Variants in C1QL3 observed in about 807,000 individuals in gnomAD.
C1QL3 encodes complement C1q-like protein 3.
C1QL3 carries 4 observed loss-of-function variants against 16.6 expected under a neutral mutation model. The ratio of observed to expected loss-of-function variants is 0.24; its 90% CI spans 0.12 to 0.55. C1QL3 has a LOEUF of 0.55. Ranked by LOEUF, C1QL3 falls within the 20% of genes least tolerant of loss-of-function variation. The probability of loss-of-function intolerance (pLI) is 0.94; values close to 1 mark genes in which losing one functional copy is unlikely to be tolerated. For synonymous variants in C1QL3, 189 were observed against 160.2 expected, an observed-to-expected ratio of 1.18 and a Z score of -1.36; for missense variants, 269 against 365.6, an observed-to-expected ratio of 0.74 and a Z score of 2.16.
Position 16,521,021 on chromosome 10 carries a change from C to G in C1QL3, c.45G>C (p.Ser15=), listed in dbSNP as rs541527618. The change falls in exon 1 of 2, where the codon TCG becomes TCC. Residue 15 remains serine, a synonymous_variant. Coordinates refer to ENST00000298943, the MANE Select transcript of C1QL3 (RefSeq NM_001010908.2). ...TCTCGTAGTGCGCCGACGTGCCGGCCGAGCTCACCAGCACCGGGATGAGGA... is the reference window on the plus strand; with the variant it reads ...TCTCGTAGTGCGCCGACGTGCCGGCGGAGCTCACCAGCACCGGGATGAGGA... The part of the protein sequence containing the change: ...LVILIPVLVS[S]AGTSAHYEML... 2 of 1,600,354 alleles carry G rather than the reference C, an allele frequency of 1.2e-6. No homozygotes were observed. Among genetic ancestry groups the G allele is most frequent in the Non-Finnish European group, 1.7e-6 (2 of 1,178,668 alleles).
At position 16,521,207 on chromosome 10, in the gene C1QL3, T is replaced by A; in HGVS notation, c.-142A>T. The A allele has an allele frequency of 1.4e-6, 1 of 714,206 alleles. No individual in the cohort carries two copies. The highest frequency in any genetic ancestry group is 1.8e-5 in the South Asian group (1 of 54,484). The allele number at this position is 714,206 out of a possible 1,614,324, so 44.2% of individuals were successfully genotyped here. ...CTCTTCAGAGCCGAAAACAACCCCC[T>A]GCGAACCCCAACTCCCCTGGGCGTG... On this transcript the variant is annotated 5_prime_UTR_variant, in exon 1 of 2. Coordinates refer to ENST00000298943, the MANE Select transcript of C1QL3 (RefSeq NM_001010908.2).
chr10:16,520,905 G>C lies in C1QL3; in HGVS notation c.161C>G (p.Ser54Cys). ...GGGGCCCTGGATGAAGGTGGGCAGG[G>C]ACTGCATGAGGCCGCGGTCGGGCGT... ...AATPDRGLMQSLPTFIQGPKG... is the reference protein window; with the variant it reads ...AATPDRGLMQCLPTFIQGPKG... The change falls in exon 1 of 2, where the codon TCC becomes TGC. Residue 54 changes from serine (S) to cysteine (C), a missense_variant. Coordinates refer to ENST00000298943, the MANE Select transcript of C1QL3 (RefSeq NM_001010908.2). This position sits in a 1 kb window ranked among gnomAD's most constrained non-coding sequence, Gnocchi z 8.3. The C allele has an allele frequency of 6.4e-7, 1 of 1,553,044 alleles. No homozygotes were observed. Among genetic ancestry groups the C allele is most frequent in the Non-Finnish European group, 8.6e-7 (1 of 1,157,962 alleles).
rs761849055 is a variant in C1QL3 at position 16,520,441 on chromosome 10, T to TCCCTCCCCG, written c.588+28_588+36dup. On this transcript the variant is annotated intron_variant, in intron 1 of 1. Transcript: ENST00000298943. This position sits in a 1 kb window ranked among gnomAD's most constrained non-coding sequence, Gnocchi z 8.3. Reference sequence around the variant, plus strand: ...CCCTCTCGCCCGCACCTTCCCGCGCTCCCTCCCCGCCCTCCCCGCCGCCCG... The same window carrying TCCCTCCCCG: ...CCCTCTCGCCCGCACCTTCCCGCGCTCCCTCCCCGCCCTCCCCGCCCTCCCCGCCGCCCG... The TCCCTCCCCG allele has an allele frequency of 8.1e-7, 1 of 1,227,532 alleles. No homozygotes were observed. Among genetic ancestry groups the TCCCTCCCCG allele is most frequent in the Non-Finnish European group, 1.1e-6 (1 of 881,044 alleles). The allele number at this position is 1,227,532 out of a possible 1,614,324, so 76.0% of individuals were successfully genotyped here.
At chr10:16,515,490 G>A (rs906051476) in intron 1 of C1QL3, among the ~76,000 whole-genome samples, 31 of 152,148 alleles carry the variant, frequency 2.0e-4, no homozygotes, top group African/African-American at 6.3e-4. Context: ...CAAGTTTCAA[G>A]AATTTTTGAA....
In C1QL3 at chr10:16,521,089, C is replaced by A; in HGVS notation, c.-24G>T. On this transcript the variant is annotated 5_prime_UTR_variant, in exon 1 of 2. Transcript: ENST00000298943. ...ATCACCACCCCCAGCGCCCCGGCGG[C>A]GATCAGGCGCCTCCTGCTGCCCACC... The A allele has an allele frequency of 1.9e-6, 3 of 1,574,606 alleles. No individual in the cohort carries two copies. Among genetic ancestry groups the A allele is most frequent in the Non-Finnish European group, 2.6e-6 (3 of 1,165,342 alleles).
At chr10:16,515,202 C>A (rs1836931037) in intron 1 of C1QL3, among the ~76,000 whole-genome samples, 1 of 148,304 alleles carries the variant, frequency 6.7e-6, no homozygotes, top group African/African-American at 2.5e-5. Flanking sequence ...AGGAAAATAC[C>A]AACTCCTCTA....
At position 16,520,444 on chromosome 10, in the gene C1QL3, C is replaced by T. The variant is rs1837022855; in HGVS notation, c.588+34G>A. ...TCTCGCCCGCACCTTCCCGCGCTCC[C>T]TCCCCGCCCTCCCCGCCGCCCGCCC... On this transcript the variant is annotated intron_variant, in intron 1 of 1. Transcript: ENST00000298943. This position sits in a 1 kb window ranked among gnomAD's most constrained non-coding sequence, Gnocchi z 8.3. The T allele has an allele frequency of 7.9e-7, 1 of 1,271,928 alleles. No homozygotes were observed. Among genetic ancestry groups the T allele is most frequent in the South Asian group, 1.4e-5 (1 of 73,178 alleles). The allele number at this position is 1,271,928 out of a possible 1,614,324, so 78.8% of individuals were successfully genotyped here.
chr10:16,514,763 T>G lies in C1QL3; in HGVS notation c.589-56A>C, dbSNP rs1019195026. The G allele has an allele frequency of 4.1e-5, 57 of 1,398,316 alleles. No homozygotes were observed. In the African/African-American group the frequency reaches 6.5e-4, roughly 16 times the overall value. The allele number at this position is 1,398,316 out of a possible 1,614,324, so 86.6% of individuals were successfully genotyped here. On this transcript the variant is annotated intron_variant, in intron 1 of 1. Coordinates refer to ENST00000298943, the MANE Select transcript of C1QL3 (RefSeq NM_001010908.2). ...TAAATGAGAATTCTCAAGTTTTCTT[T>G]TTTGCCATTCATGTAGCATCACAAG...
In C1QL3 at chr10:16,514,672, C is replaced by CT; in HGVS notation, c.623dup (p.Asn209GlufsTer7). The CT allele has an allele frequency of 6.2e-7, 1 of 1,613,822 alleles. No individual in the cohort carries two copies. ...CACTGTTACTGGCATAGTCGTAATT[C>CT]TGATCAGCATCTTGGGCAATTGCAC... is the stretch of plus-strand genomic sequence containing the variant. On this transcript the variant is annotated frameshift_variant, in exon 2 of 2. Coordinates refer to ENST00000298943, the MANE Select transcript of C1QL3 (RefSeq NM_001010908.2). LOFTEE classifies it high-confidence loss of function.
At chr10:16,515,033 T>C (rs901850902) in intron 1 of C1QL3, among the ~76,000 whole-genome samples, 1 of 152,106 alleles carries the variant, frequency 6.6e-6, no homozygotes, top group Non-Finnish European at 1.5e-5. Flanking sequence ...CTATGCCCAA[T>C]CACATTTTGA....
At chr10:16,518,464 G>A (rs1055274132) in intron 1 of C1QL3, among the ~76,000 whole-genome samples, 1 of 152,156 alleles carries the variant, frequency 6.6e-6, no homozygotes. Flanking sequence ...TGATCCTCAT[G>A]GAATGTGTGT....
intron 1 of C1QL3, among the ~76,000 whole-genome samples, chr10:16,519,456 T>G (rs999575411): frequency 2.0e-5 from 3 of 151,970 alleles, no homozygotes; most frequent in Non-Finnish European, 4.4e-5. Flanking sequence ...GGCTACTGAT[T>G]CAGCGTGCAC....
chr10:16,520,441 T>TCCCACCCC lies in C1QL3; in HGVS notation c.588+36_588+37insGGGGTGGG. On this transcript the variant is annotated intron_variant, in intron 1 of 1. Coordinates refer to ENST00000298943, the MANE Select transcript of C1QL3 (RefSeq NM_001010908.2). This position sits in a 1 kb window ranked among gnomAD's most constrained non-coding sequence, Gnocchi z 8.3. ...CCCTCTCGCCCGCACCTTCCCGCGC[T>TCCCACCCC]CCCTCCCCGCCCTCCCCGCCGCCCG... 8 of 1,227,532 alleles carry TCCCACCCC rather than the reference T, an allele frequency of 6.5e-6. No homozygotes were observed. Among genetic ancestry groups the TCCCACCCC allele is most frequent in the Non-Finnish European group, 9.1e-6 (8 of 881,044 alleles). 76.0% of individuals were successfully genotyped at this position (1,227,532 alleles called of 1,614,324 possible). A position where few individuals can be genotyped will look rare whatever the true frequency, so the allele number is the denominator to read the frequency against.
Position 16,514,296 on chromosome 10 carries a change from A to C in C1QL3, c.*232T>G. 1 of 563,760 alleles carries C rather than the reference A, an allele frequency of 1.8e-6. No individual in the cohort carries two copies. The highest frequency in any genetic ancestry group is 3.1e-6 in the Non-Finnish European group (1 of 319,992). The allele number at this position is 563,760 out of a possible 1,614,324, so 34.9% of individuals were successfully genotyped here. A position where few individuals can be genotyped will look rare whatever the true frequency, so the allele number is the denominator to read the frequency against. On this transcript the variant is annotated 3_prime_UTR_variant, in exon 2 of 2. Coordinates refer to ENST00000298943, the MANE Select transcript of C1QL3 (RefSeq NM_001010908.2). ...CTTCATTCACATGGACACTAACGAT[A>C]AGGAGTATTTGCTTTGGCGGTAGTG...
At chr10:16,517,526 T>A (rs556350301) in intron 1 of C1QL3, among the ~76,000 whole-genome samples, 22 of 152,234 alleles carry the variant, frequency 1.4e-4, no homozygotes, top group Non-Finnish European at 2.4e-4. Context: ...CTTCATGTTT[T>A]CTGCTAAAAG....
intron 1 of C1QL3, among the ~76,000 whole-genome samples, chr10:16,518,258 T>G (rs2133540118): frequency 6.6e-6 from 1 of 152,356 alleles, no homozygotes; most frequent in East Asian, 1.9e-4. Context: ...AATCTAGAGA[T>G]AAAATTCCTT....
In C1QL3 at chr10:16,514,026, G is replaced by A. The variant is rs1027903971; in HGVS notation, c.*502C>T. ...AGCTCTAAGGTTAACAAGAGTACAA[G>A]GCAAACAATTTCTTTGGGGACAAGC... On this transcript the variant is annotated 3_prime_UTR_variant, in exon 2 of 2. Transcript: ENST00000298943. 2 of 308,630 alleles carry A rather than the reference G, an allele frequency of 6.5e-6. No homozygotes were observed. The highest frequency in any genetic ancestry group is 4.3e-5 in the African/African-American group (2 of 46,784). 19.1% of individuals were successfully genotyped at this position (308,630 alleles called of 1,614,324 possible). A position where few individuals can be genotyped will look rare whatever the true frequency, so the allele number is the denominator to read the frequency against.
chr10:16,520,415 TCCCTCTCG>T lies in C1QL3; in HGVS notation c.588+55_588+62del. The T allele has an allele frequency of 7.8e-7, 1 of 1,276,842 alleles. No individual in the cohort carries two copies. The highest frequency in any genetic ancestry group is 1.1e-6 in the Non-Finnish European group (1 of 936,788). 79.1% of individuals were successfully genotyped at this position (1,276,842 alleles called of 1,614,324 possible). On this transcript the variant is annotated intron_variant, in intron 1 of 1. Coordinates refer to ENST00000298943, the MANE Select transcript of C1QL3 (RefSeq NM_001010908.2). This position sits in a 1 kb window ranked among gnomAD's most constrained non-coding sequence, Gnocchi z 8.3. ...TCCCACCCCCATTTCCGGGGTCTCCTCCCTCTCGCCCGCACCTTCCCGCGCTCCCTCCC... is the reference window on the plus strand; with the variant it reads ...TCCCACCCCCATTTCCGGGGTCTCCTCCCGCACCTTCCCGCGCTCCCTCCC...
In C1QL3 at chr10:16,521,218, A is replaced by G. The variant is rs1588642689; in HGVS notation, c.-153T>C. The G allele has an allele frequency of 3.1e-6, 2 of 651,366 alleles. No individual in the cohort carries two copies. Among genetic ancestry groups the G allele is most frequent in the Non-Finnish European group, 2.6e-6 (1 of 391,812 alleles). 40.3% of individuals were successfully genotyped at this position (651,366 alleles called of 1,614,324 possible). On this transcript the variant is annotated 5_prime_UTR_variant, in exon 1 of 2. Coordinates refer to ENST00000298943, the MANE Select transcript of C1QL3 (RefSeq NM_001010908.2). ...CGAAAACAACCCCCTGCGAACCCCA[A>G]CTCCCCTGGGCGTGCGTGCGCCGGC... is the stretch of plus-strand genomic sequence containing the variant.
Sources: allele counts gnomAD v4.1 joint callset (sites outside exome capture counted in the v4.1 genomes callset), GRCh38; gene constraint gnomAD v4.1.1; non-coding constraint Gnocchi (gnomAD v3.1); transcripts MANE v1.5; gene names NCBI Gene and HGNC (gene_info 2026-07-23, HGNC 2026-07-21).